The following TRIM62 variants were observed in gnomAD, a reference collection of about 807,000 sequenced individuals.
TRIM62 encodes the protein tripartite motif containing 62, also known as E3 ubiquitin-protein ligase TRIM62.
Under a neutral mutation model 44.2 loss-of-function variants are expected in TRIM62, and 39 were observed. That is an observed-to-expected ratio of 0.88 (90% CI 0.68 to 1.15). The LOEUF (loss-of-function observed/expected upper bound fraction) is 1.15. Among genes scored for constraint, TRIM62 ranks in the 50% most tolerant of loss-of-function variants. The probability of loss-of-function intolerance (pLI) is 0.00; values close to 1 mark genes in which losing one functional copy is unlikely to be tolerated. For synonymous variants in TRIM62, 278 were observed against 292.3 expected (o/e 0.95, Z 0.50); for missense variants, 544 against 665.5 (o/e 0.82, Z 2.01).
chr1:33,163,888 A>G, intron 2 of TRIM62: 1 of 152,970 alleles, frequency 6.5e-6, no homozygotes, highest in Non-Finnish European at 1.5e-5. Context: ...CTCGAGGGGG[A>G]TGTGGCCCCA....
At chr1:33,160,683 G>A (rs607008) in intron 2 of TRIM62, among the ~76,000 whole-genome samples, 106,066 of 151,932 alleles carry the variant, frequency 0.7, 37,375 homozygotes, top group Non-Finnish European at 0.75. Context: ...GGGATTACAG[G>A]CGTGAGCCAT....
At chr1:33,168,290 T>C (rs779162645) in intron 1 of TRIM62, among the ~76,000 whole-genome samples, 4 of 151,512 alleles carry the variant, frequency 2.6e-5, no homozygotes, top group Non-Finnish European at 5.9e-5. Flanking sequence ...ACCAGAAGAG[T>C]AGAAGGAAGA....
At chr1:33,160,945 T>C (rs1226109527) in intron 2 of TRIM62, among the ~76,000 whole-genome samples, 1 of 152,208 alleles carries the variant, frequency 6.6e-6, no homozygotes, top group East Asian at 1.9e-4. Context: ...CCAAGGGCAC[T>C]GTGAGGCTCA....
chr1:33,152,363 C>T (rs927169693), intron 4 of TRIM62, among the ~76,000 whole-genome samples: 4 of 152,122 alleles, frequency 2.6e-5, no homozygotes, highest in East Asian at 3.8e-4. Flanking sequence ...GTCCGGAGTT[C>T]GAGATCAGCC....
At chr1:33,148,911 G>T (rs1645056253) in intron 4 of TRIM62, among the ~76,000 whole-genome samples, 1 of 152,180 alleles carries the variant, frequency 6.6e-6, no homozygotes, top group Non-Finnish European at 1.5e-5. Context: ...GGCAGAGCCA[G>T]GACTAACCAA....
At chr1:33,172,393 G>A (rs148072562) in intron 1 of TRIM62, among the ~76,000 whole-genome samples, 12 of 152,220 alleles carry the variant, frequency 7.9e-5, no homozygotes, top group African/African-American at 2.6e-4. Flanking sequence ...GCAGGAAGTC[G>A]GGGTGGTTGG....
chr1:33,148,664 G>A (rs1645052621), intron 4 of TRIM62, among the ~76,000 whole-genome samples: 1 of 152,146 alleles, frequency 6.6e-6, no homozygotes, highest in South Asian at 2.1e-4. Context: ...AATAGTCAGA[G>A]TATGTATCTA....
rs779142515 is a variant in TRIM62 at position 33,165,602 on chromosome 1, C to A, written c.409-36G>T. On this transcript the variant is annotated intron_variant, in intron 1 of 4. Transcript: ENST00000291416. The surrounding 1 kb of genome is among the most constrained non-coding windows in gnomAD (Gnocchi z 4.0). ...CACAGGGCCGGGATGGGGGCAGGGG[C>A]CATGCCTGGCCCAGGCATTCAGCCC... The A allele has an allele frequency of 1.3e-6, 2 of 1,547,848 alleles. No individual in the cohort carries two copies. Among genetic ancestry groups the A allele is most frequent in the Non-Finnish European group, 8.8e-7 (1 of 1,138,658 alleles).
chr1:33,149,832 C>A (rs1172625524), intron 4 of TRIM62, among the ~76,000 whole-genome samples: 1 of 152,160 alleles, frequency 6.6e-6, no homozygotes, highest in African/African-American at 2.4e-5. Context: ...GCCCTATTTC[C>A]CCATTTGCAC....
rs778597632 is a variant in TRIM62 at position 33,165,428 on chromosome 1, C to G, written c.504+43G>C. On this transcript the variant is annotated intron_variant, in intron 2 of 4. Coordinates refer to ENST00000291416, the MANE Select transcript of TRIM62 (RefSeq NM_018207.3). This position sits in a 1 kb window ranked among gnomAD's most constrained non-coding sequence, Gnocchi z 4.0. Reference sequence around the variant, plus strand: ...TGGCCCCGCCCCTCGAAGCCCTGCCCTCATCTCTGCCGGCCCCACCTCCGC... The same window carrying G: ...TGGCCCCGCCCCTCGAAGCCCTGCCGTCATCTCTGCCGGCCCCACCTCCGC... 3 of 1,525,272 alleles carry G rather than the reference C, an allele frequency of 2.0e-6. No homozygotes were observed. The African/African-American group carries it at 4.1e-5, about 21-fold the overall frequency. The allele number at this position is 1,525,272 out of a possible 1,614,324, so 94.5% of individuals were successfully genotyped here.
Position 33,180,760 on chromosome 1 carries a change from C to G in TRIM62, c.408+265G>C, listed in dbSNP as rs533203812. 6.5e-3 allele frequency among the ~76,000 whole-genome samples: 994 copies of G among 152,326 alleles called. 9 individuals carry two copies. Among genetic ancestry groups the G allele is most frequent in the African/African-American group, 0.023 (946 of 41,556 alleles). ...ATCCGCATCCCCGACTTCTCCCTAA[C>G]CGCGGACCAGCCGGTACTCCAGGTC... On this transcript the variant is annotated intron_variant, in intron 1 of 4. Coordinates refer to ENST00000291416, the MANE Select transcript of TRIM62 (RefSeq NM_018207.3).
intron 1 of TRIM62, among the ~76,000 whole-genome samples, chr1:33,175,468 C>T (rs1396289628): frequency 1.3e-5 from 2 of 152,192 alleles, no homozygotes; most frequent in Non-Finnish European, 2.9e-5. Flanking sequence ...CAACACTGGA[C>T]TGAGTCGGGA....
intron 1 of TRIM62, among the ~76,000 whole-genome samples, chr1:33,170,955 G>A (rs1351886918): frequency 6.6e-6 from 1 of 152,244 alleles, no homozygotes; most frequent in Non-Finnish European, 1.5e-5. Context: ...AGCGGTCACT[G>A]TGTCCCGTAT....
intron 3 of TRIM62, 91 bp from the exon 4 acceptor site, chr1:33,158,459 A>C (rs1645212556): frequency 1.0e-6 from 1 of 989,432 alleles, no homozygotes; most frequent in Non-Finnish European, 1.6e-6. Context: ...GGCAGCTGGC[A>C]TAGGATGTGG....
intron 4 of TRIM62, among the ~76,000 whole-genome samples, chr1:33,150,950 G>T (rs1014174462): frequency 1.3e-5 from 2 of 152,226 alleles, no homozygotes; most frequent in East Asian, 1.9e-4. Context: ...GATATCTAAG[G>T]CGCCTGGGTG....
At chr1:33,149,651 C>T (rs925907379) in intron 4 of TRIM62, among the ~76,000 whole-genome samples, 4 of 151,850 alleles carry the variant, frequency 2.6e-5, no homozygotes, top group Admixed American at 6.6e-5. Flanking sequence ...GATGAGGTTT[C>T]GCAATGTTGG....
In TRIM62 at chr1:33,146,013, C is replaced by T. The variant is rs573797448; in HGVS notation, c.*1164G>A. The T allele has an allele frequency of 7.9e-4, 342 of 430,300 alleles. 2 individuals are homozygous for T. Among genetic ancestry groups the T allele is most frequent in the Non-Finnish European group, 1.4e-3 (287 of 207,676 alleles). 26.7% of individuals were successfully genotyped at this position (430,300 alleles called of 1,614,324 possible). ...AGGACATCTATTGGCTGGCACGGACCGTGGCAGAGGGAGCCTAGTTCTGCA... is the reference window on the plus strand; with the variant it reads ...AGGACATCTATTGGCTGGCACGGACTGTGGCAGAGGGAGCCTAGTTCTGCA... On this transcript the variant is annotated 3_prime_UTR_variant, in exon 5 of 5. Transcript: ENST00000291416.
Position 33,147,730 on chromosome 1 carries a change from G to T in TRIM62, c.878-3C>A. 1 of 1,607,062 alleles carries T rather than the reference G, an allele frequency of 6.2e-7. No individual in the cohort carries two copies. Among genetic ancestry groups the T allele is most frequent in the Non-Finnish European group, 8.5e-7 (1 of 1,175,230 alleles). The stretch of plus-strand genomic sequence containing the variant: ...GTCCAGGGTTAGGGCGGCTGGCACT[G>T]TGGGGGTTGGAGGAGGGAGAGAAGA... On this transcript the variant is annotated splice_polypyrimidine_tract_variant and splice_region_variant and intron_variant, in intron 4 of 4. Coordinates refer to ENST00000291416, the MANE Select transcript of TRIM62 (RefSeq NM_018207.3). The surrounding 1 kb of genome is among the most constrained non-coding windows in gnomAD (Gnocchi z 8.1).
In TRIM62 at chr1:33,158,997, C is replaced by T. The variant is rs60570773; in HGVS notation, c.762-629G>A. 4.8e-3 allele frequency among the ~76,000 whole-genome samples: 732 copies of T among 152,116 alleles called. 6 individuals are homozygous for T. The highest frequency in any genetic ancestry group is 0.016 in the African/African-American group (654 of 41,492). On this transcript the variant is annotated intron_variant, in intron 3 of 4. Coordinates refer to ENST00000291416, the MANE Select transcript of TRIM62 (RefSeq NM_018207.3). ...CTGGGACTACAGGTGCCTGCCACCA[C>T]GCCCGGCTAATTTTTGTATTTTTTT...
Sources: gnomAD v4.1 joint callset for allele counts (sites outside exome capture counted in the v4.1 genomes callset) on GRCh38, gnomAD v4.1.1 for gene constraint, Gnocchi (gnomAD v3.1) non-coding constraint, MANE v1.5 for transcripts, NCBI Gene and HGNC (gene_info 2026-07-23, HGNC 2026-07-21) for gene names.